Variants in LETM1 observed in about 807,000 individuals in gnomAD.
LETM1 encodes mitochondrial proton/calcium exchanger protein.
In LETM1, 50 loss-of-function variants were observed where a neutral mutation model predicts 74.5. The ratio of observed to expected loss-of-function variants is 0.67; its 90% CI spans 0.53 to 0.85. The LOEUF is 0.85. Among genes scored for constraint, LETM1 ranks in the 40% least tolerant of loss-of-function variants. LETM1 has a pLI of 0.00. For synonymous variants in LETM1, 446 were observed against 407.1 expected, an observed-to-expected ratio of 1.10 and a Z score of -1.15; for missense variants, 824 against 967.8, an observed-to-expected ratio of 0.85 and a Z score of 1.97.
At chr4:1,845,694 G>A (rs1712860044) in intron 2 of LETM1, among the ~76,000 whole-genome samples, 1 of 151,426 alleles carries the variant, frequency 6.6e-6, no homozygotes, top group South Asian at 2.1e-4. Flanking sequence ...TTATAGGCAT[G>A]TGCCACCACG....
chr4:1,818,263 T>C (rs977940326), intron 11 of LETM1, among the ~76,000 whole-genome samples: 2 of 152,186 alleles, frequency 1.3e-5, no homozygotes, highest in Non-Finnish European at 2.9e-5. Context: ...CAATTATTTT[T>C]GCCAATTGAA....
intron 3 of LETM1, among the ~76,000 whole-genome samples, chr4:1,840,237 T>G (rs1712639111): frequency 6.6e-6 from 1 of 151,650 alleles, no homozygotes; most frequent in Non-Finnish European, 1.5e-5. Context: ...ATTAGCCGGG[T>G]GTGATGGTAT....
chr4:1,832,939 T>G lies in LETM1; in HGVS notation c.885A>C (p.Glu295Asp). 1 of 1,612,146 alleles carries G rather than the reference T, an allele frequency of 6.2e-7. No individual in the cohort carries two copies. The highest frequency in any genetic ancestry group is 8.5e-7 in the Non-Finnish European group (1 of 1,179,906). ...DFSVFFQKIR[E>D]TGERPSNEEI... The stretch of plus-strand genomic sequence containing the variant: ...CCTCATTGCTGGGCCTCTCCCCTGT[T>G]TCCCGGATCTGCGGAAGTGGTCACA... Residue 295 changes from glutamate (E) to aspartate (D), a missense_variant, in exon 6 of 14, where the codon GAA (glutamate) becomes GAC (aspartate). Glu to Asp is a conservative substitution (Grantham distance 45). This residue lies in a region of LETM1 where 269 missense variants were observed against 348.8 expected (regional missense o/e 0.77). Coordinates refer to ENST00000302787, the MANE Select transcript of LETM1 (RefSeq NM_012318.3).
At chr4:1,853,263 T>G (rs959946470) in intron 1 of LETM1, among the ~76,000 whole-genome samples, 8 of 152,210 alleles carry the variant, frequency 5.3e-5, no homozygotes, top group Non-Finnish European at 8.8e-5. Flanking sequence ...CACACAGCCC[T>G]TGGAGTCAGC....
chr4:1,841,487 A>G lies in LETM1; in HGVS notation c.454T>C (p.Ser152Pro). Residue 152 changes from serine (S) to proline (P), a missense_variant, in exon 3 of 14, where the codon TCC becomes CCC. Physicochemically the swap from Ser to Pro is moderately conservative, Grantham distance 74. Transcript: ENST00000302787. The stretch of plus-strand genomic sequence containing the variant: ...TCGTCCAGCACCCGCTGCCCCAGGG[A>G]CTTCTTCACCACCACCTCTGCGGGG... ...SPPAEVVVKK[S>P]LGQRVLDELK... is the part of the protein sequence containing the mutation. 6.2e-7 allele frequency: 1 copy of G among 1,614,194 alleles called. No homozygotes were observed. Among genetic ancestry groups the G allele is most frequent in the Non-Finnish European group, 8.5e-7 (1 of 1,180,028 alleles).
intron 1 of LETM1, among the ~76,000 whole-genome samples, chr4:1,849,740 G>A (rs1383315268): frequency 6.6e-6 from 1 of 152,172 alleles, no homozygotes; most frequent in African/African-American, 2.4e-5. Context: ...TAAAGACGGG[G>A]TTTCGTTTTG....
intron 1 of LETM1, among the ~76,000 whole-genome samples, chr4:1,854,743 A>T (rs1001950247): frequency 6.6e-6 from 1 of 152,198 alleles, no homozygotes; most frequent in Non-Finnish European, 1.5e-5. Context: ...CAGTGAGCCA[A>T]GATCACACCA....
chr4:1,849,099 C>G lies in LETM1; in HGVS notation c.143+50G>C, dbSNP rs749554231. On this transcript the variant is annotated intron_variant, in intron 2 of 13. Coordinates refer to ENST00000302787, the MANE Select transcript of LETM1 (RefSeq NM_012318.3). ...GTCACTCGTGACTCTCCACCATTTT[C>G]AAACCCTGTTTTCAAACAGACAGGT... 73 of 1,332,094 alleles carry G rather than the reference C, an allele frequency of 5.5e-5. No homozygotes were observed. In the Admixed American group the frequency reaches 1.2e-3, roughly 22 times the overall value. The allele number at this position is 1,332,094 out of a possible 1,614,324, so 82.5% of individuals were successfully genotyped here.
rs4242021 is a variant in LETM1 at position 1,814,157 on chromosome 4, A to G, written c.*267T>C. The G allele has an allele frequency of 0.99, 493,740 of 498,418 alleles. 244,689 individuals are homozygous for G. Among genetic ancestry groups the G allele is most frequent in the East Asian group, 1 (25,525 of 25,526 alleles). The allele number at this position is 498,418 out of a possible 1,614,324, so 30.9% of individuals were successfully genotyped here. ...TGGGGGCGCCTTCCTGCCTTGGCCC[A>G]GCCCAGCTGCCTCTGGAGCCAGGAG... On this transcript the variant is annotated 3_prime_UTR_variant, in exon 14 of 14. Transcript: ENST00000302787.
chr4:1,846,115 C>T (rs1367359812), intron 2 of LETM1, among the ~76,000 whole-genome samples: 2 of 151,906 alleles, frequency 1.3e-5, no homozygotes, highest in Non-Finnish European at 2.9e-5. Flanking sequence ...CCTCAACTTT[C>T]CAAAGTGCTG....
intron 6 of LETM1, among the ~76,000 whole-genome samples, chr4:1,832,179 G>A (rs1031612933): frequency 2.6e-5 from 4 of 152,092 alleles, no homozygotes; most frequent in Non-Finnish European, 1.5e-5. Flanking sequence ...GCGGGCGCCT[G>A]TAATCCCAGC....
At chr4:1,851,679 T>A (rs1713075368) in intron 1 of LETM1, among the ~76,000 whole-genome samples, 1 of 152,198 alleles carries the variant, frequency 6.6e-6, no homozygotes, top group Non-Finnish European at 1.5e-5. Flanking sequence ...GGCCCCCACC[T>A]TTCTCCACAT....
At chr4:1,854,599 G>A (rs955012030) in intron 1 of LETM1, among the ~76,000 whole-genome samples, 17 of 152,004 alleles carry the variant, frequency 1.1e-4, no homozygotes, top group African/African-American at 3.1e-4. Flanking sequence ...TTCGAGACCC[G>A]CCTGGCCAAG....
chr4:1,816,243 TG>T (rs71167757), intron 12 of LETM1, among the ~76,000 whole-genome samples: 147,001 of 152,340 alleles, frequency 0.96, 71,161 homozygotes, highest in East Asian at 1. Context: ...GGTGGAGATT[TG>T]GAACCTGCAG....
rs184903752 is a variant in LETM1, at chr4:1,843,899, C to T, written c.144-2102G>A. On this transcript the variant is annotated intron_variant, in intron 2 of 13. Transcript: ENST00000302787. Reference sequence around the variant, plus strand: ...CAGAGCCCACGCAGGCTCAGACTGCCCCCTGGCCAGGCTGTGTTCCTTCTG... The same window carrying T: ...CAGAGCCCACGCAGGCTCAGACTGCTCCCTGGCCAGGCTGTGTTCCTTCTG... Among the ~76,000 whole-genome samples the T allele has an allele frequency of 1.3e-3, 199 of 152,302 alleles. 1 individual carries two copies. Among genetic ancestry groups the T allele is most frequent in the African/African-American group, 4.5e-3 (189 of 41,576 alleles).
rs375864376 is a variant in LETM1 at position 1,834,857 on chromosome 4, C to G, written c.864G>C (p.Val288=). The part of the protein sequence containing the change: ...AKGSATKDFS[V]FFQKIRETGE... Reference sequence around the variant, plus strand: ...CGTATCACAGCACCTTCTGGAAAAACACAGAGAAGTCTTTGGTGGCGCTGC... The same window carrying G: ...CGTATCACAGCACCTTCTGGAAAAAGACAGAGAAGTCTTTGGTGGCGCTGC... The change falls in exon 5 of 14, where the codon GTG becomes GTC. Residue 288 remains valine, a synonymous_variant. Coordinates refer to ENST00000302787, the MANE Select transcript of LETM1 (RefSeq NM_012318.3). This position sits in a 1 kb window ranked among gnomAD's most constrained non-coding sequence, Gnocchi z 5.0. The G allele has an allele frequency of 2.0e-5, 33 of 1,614,046 alleles. No individual in the cohort carries two copies. The highest frequency in any genetic ancestry group is 2.4e-5 in the Non-Finnish European group (28 of 1,180,012).
rs758891657 is a variant in LETM1 at position 1,841,788 on chromosome 4, T to G, written c.153A>C (p.Pro51=). 5.0e-6 allele frequency: 8 copies of G among 1,611,236 alleles called. No individual in the cohort carries two copies. The South Asian group carries it at 8.8e-5, about 18-fold the overall frequency. ...GGTGGATGGGAGTGCAGCAGCCAAA[T>G]GGAACATTCCTTGAAAAGGGAAGAG... The part of the protein sequence containing the change: ...TLGLRNCLNV[P]FGCCTPIHPV... Residue 51 remains proline (P), a synonymous_variant, in exon 3 of 14, where the codon CCA becomes CCC. Coordinates refer to ENST00000302787, the MANE Select transcript of LETM1 (RefSeq NM_012318.3).
At chr4:1,833,040 A>G in intron 5 of LETM1, 93 bp from the exon 6 acceptor site, 1 of 1,094,922 alleles carries the variant, frequency 9.1e-7, no homozygotes, top group Admixed American at 1.8e-5. Flanking sequence ...GCTGCCTCTC[A>G]TCCTCAGGGA....
At chr4:1,823,323 G>T (rs1213900683) in intron 8 of LETM1, among the ~76,000 whole-genome samples, 192 bp from the exon 9 acceptor site, 1 of 150,002 alleles carries the variant, frequency 6.7e-6, no homozygotes, top group East Asian at 2.0e-4. Flanking sequence ...GCGCTCGCCC[G>T]ATGACTCCTG....
Sources: allele counts gnomAD v4.1 joint callset (sites outside exome capture counted in the v4.1 genomes callset), GRCh38; gene constraint gnomAD v4.1.1; regional missense constraint gnomAD v4.1.1; non-coding constraint Gnocchi (gnomAD v3.1); transcripts MANE v1.5; gene names NCBI Gene and HGNC (gene_info 2026-07-23, HGNC 2026-07-21).